Variants in SLC35F1 observed in about 807,000 individuals in gnomAD.
The protein encoded by SLC35F1 is chromosome 6 open reading frame 169.
Under a neutral mutation model 48.7 loss-of-function variants are expected in SLC35F1, and 14 were observed. The ratio of observed to expected loss-of-function variants is 0.29; its 90% confidence interval spans 0.19 to 0.45. The LOEUF is 0.45. SLC35F1 is among the 20% of genes least tolerant of loss of function. SLC35F1 has a pLI of 1.00. For synonymous variants in SLC35F1, 190 were observed against 202.2 expected, an observed-to-expected ratio of 0.94 and a Z score of 0.51; for missense variants, 404 against 500.0, an observed-to-expected ratio of 0.81 and a Z score of 1.83.
intron 1 of SLC35F1, among the ~76,000 whole-genome samples, chr6:117,996,398 G>C (rs1776991521): frequency 6.6e-6 from 1 of 152,180 alleles, no homozygotes; most frequent in Non-Finnish European, 1.5e-5. Flanking sequence ...GGTGATTTCT[G>C]CATTTCCGTC....
At chr6:118,025,697 G>T (rs1441425701) in intron 1 of SLC35F1, among the ~76,000 whole-genome samples, 1 of 151,970 alleles carries the variant, frequency 6.6e-6, no homozygotes, top group Middle Eastern at 3.2e-3. Context: ...TTTTATTTTT[G>T]ATTATAATCC....
intron 3 of SLC35F1, among the ~76,000 whole-genome samples, chr6:118,244,872 A>G (rs1414365962): frequency 1.3e-5 from 2 of 152,228 alleles, no homozygotes; most frequent in Non-Finnish European, 2.9e-5. Context: ...AAATATATCA[A>G]ACGTTTGAAA....
At chr6:118,263,036 C>T (rs1329302269) in intron 3 of SLC35F1, among the ~76,000 whole-genome samples, 1 of 152,086 alleles carries the variant, frequency 6.6e-6, no homozygotes, top group Non-Finnish European at 1.5e-5. Context: ...CTCCATGTCT[C>T]TATCTTTTTG....
chr6:118,291,286 T>C lies in SLC35F1; in HGVS notation c.1002+5948T>C, dbSNP rs534779429. ...ACACACACACACACACACACACACA[T>C]ATATAATAACTTTGGGAAAAGCTGT... is the stretch of plus-strand genomic sequence containing the variant. On this transcript the variant is annotated intron_variant, in intron 7 of 7. Transcript: ENST00000360388. Among the ~76,000 whole-genome samples the C allele has an allele frequency of 2.4e-4, 35 of 146,040 alleles. 2 individuals carry two copies. Among genetic ancestry groups the C allele is most frequent in the Admixed American group, 1.7e-3 (25 of 14,458 alleles).
chr6:117,954,538 C>T (rs1776402892), intron 1 of SLC35F1, among the ~76,000 whole-genome samples: 1 of 152,164 alleles, frequency 6.6e-6, no homozygotes, highest in South Asian at 2.1e-4. Context: ...AGATTACAGG[C>T]GTGAGCCACT....
intron 1 of SLC35F1, among the ~76,000 whole-genome samples, chr6:117,996,025 G>C (rs1776983358): frequency 6.6e-6 from 1 of 152,142 alleles, no homozygotes; most frequent in Non-Finnish European, 1.5e-5. Context: ...GTGGAAATAA[G>C]TGCTCTCCAT....
chr6:117,931,979 T>C (rs531465765), intron 1 of SLC35F1, among the ~76,000 whole-genome samples: 1 of 152,218 alleles, frequency 6.6e-6, no homozygotes, highest in Non-Finnish European at 1.5e-5. Context: ...AAGGTGATGA[T>C]TAAGAGTGGG....
intron 1 of SLC35F1, among the ~76,000 whole-genome samples, chr6:118,034,319 AG>A (rs1273032910): frequency 6.6e-6 from 1 of 152,114 alleles, no homozygotes; most frequent in Admixed American, 6.5e-5. Flanking sequence ...GCACTTTGGG[AG>A]GCTGAGGCAG....
intron 1 of SLC35F1, among the ~76,000 whole-genome samples, chr6:118,008,834 A>T (rs900085868): frequency 6.6e-6 from 1 of 151,680 alleles, no homozygotes; most frequent in Non-Finnish European, 1.5e-5. Context: ...CACTGTCTAA[A>T]CTCCCTCTGG....
chr6:118,131,447 T>TA (rs1354762171), intron 1 of SLC35F1, among the ~76,000 whole-genome samples: 3 of 152,204 alleles, frequency 2.0e-5, no homozygotes, highest in Non-Finnish European at 2.9e-5. Context: ...CATTAAGTTA[T>TA]AATAACATTT....
At chr6:117,908,996 A>T (rs958003189) in intron 1 of SLC35F1, among the ~76,000 whole-genome samples, 2 of 152,200 alleles carry the variant, frequency 1.3e-5, no homozygotes, top group Non-Finnish European at 2.9e-5. Context: ...ATCTTGAGAA[A>T]TATCCTTATT....
Position 118,276,248 on chromosome 6 carries a change from A to G in SLC35F1, c.794+633A>G, listed in dbSNP as rs78909330. On this transcript the variant is annotated intron_variant, in intron 5 of 7. Coordinates refer to ENST00000360388, the MANE Select transcript of SLC35F1 (RefSeq NM_001029858.4). ...TGCCTCAGAATTTGTTATGAGCATAAGTTTCAATCAAAGCAATTTTCCACC... is the reference window on the plus strand; with the variant it reads ...TGCCTCAGAATTTGTTATGAGCATAGGTTTCAATCAAAGCAATTTTCCACC... 5.0e-3 allele frequency among the ~76,000 whole-genome samples: 767 copies of G among 152,330 alleles called. 7 individuals carry two copies. The highest frequency in any genetic ancestry group is 0.018 in the African/African-American group (734 of 41,580).
At chr6:117,992,420 A>G (rs567889013) in intron 1 of SLC35F1, among the ~76,000 whole-genome samples, 1 of 152,282 alleles carries the variant, frequency 6.6e-6, no homozygotes, top group Non-Finnish European at 1.5e-5. Flanking sequence ...CTCCTTTAGT[A>G]TTCCCTCTCC....
At chr6:117,989,961 G>A (rs959851554) in intron 1 of SLC35F1, among the ~76,000 whole-genome samples, 96 of 152,072 alleles carry the variant, frequency 6.3e-4, no homozygotes, top group African/African-American at 2.2e-3. Context: ...ATATATATGT[G>A]GTATATTTTT....
In SLC35F1 at chr6:118,048,900, C is replaced by T. The variant is rs554537562; in HGVS notation, c.174-105545C>T. On this transcript the variant is annotated intron_variant, in intron 1 of 7. Transcript: ENST00000360388. ...TATGGAACCAAAAAAGAGCCCGCAT[C>T]GCCAAGTCAATCCTAAGCCAAAAGA... Among the ~76,000 whole-genome samples the T allele has an allele frequency of 1.4e-4, 22 of 152,140 alleles. No individual in the cohort carries two copies. The East Asian group carries it at 3.3e-3, about 23-fold the overall frequency.
At chr6:117,975,287 T>C (rs1776691361) in intron 1 of SLC35F1, among the ~76,000 whole-genome samples, 2 of 152,220 alleles carry the variant, frequency 1.3e-5, no homozygotes, top group Admixed American at 6.5e-5. Flanking sequence ...GTTGAAGTTA[T>C]TTGACAAAAA....
At chr6:118,245,141 A>G (rs2114596094) in intron 3 of SLC35F1, among the ~76,000 whole-genome samples, 1 of 152,376 alleles carries the variant, frequency 6.6e-6, no homozygotes, top group Middle Eastern at 3.4e-3. Flanking sequence ...TTGGATGTCC[A>G]AAGAAACTGT....
chr6:117,962,424 TTGAAA>T (rs1333121920), intron 1 of SLC35F1, among the ~76,000 whole-genome samples: 4 of 152,226 alleles, frequency 2.6e-5, no homozygotes, highest in Non-Finnish European at 5.9e-5. Context: ...TGTTTACATT[TTGAAA>T]TGACTCCCTC....
chr6:118,283,750 G>A (rs1776013645), intron 6 of SLC35F1, among the ~76,000 whole-genome samples: 1 of 152,138 alleles, frequency 6.6e-6, no homozygotes, highest in African/African-American at 2.4e-5. Context: ...TTAGTCATAA[G>A]TTATGTAATA....
Sources: allele counts gnomAD v4.1 joint callset (sites outside exome capture counted in the v4.1 genomes callset), GRCh38; gene constraint gnomAD v4.1.1; transcripts MANE v1.5; gene names NCBI Gene and HGNC (gene_info 2026-07-23, HGNC 2026-07-21).